MTMR3: variants seen among roughly 807,000 people sequenced by gnomAD.
MTMR3 encodes myotubularin related protein 3.
Under a neutral mutation model 132.4 loss-of-function variants are expected in MTMR3, and 32 were observed. That is an observed-to-expected ratio of 0.24 (90% CI 0.18 to 0.32). MTMR3 has a LOEUF of 0.32. MTMR3 is among the 10% of genes least tolerant of loss of function. The probability of loss-of-function intolerance (pLI) is 1.00; values close to 1 mark genes in which losing one functional copy is unlikely to be tolerated. For synonymous variants in MTMR3, 556 were observed against 550.3 expected, an observed-to-expected ratio of 1.01 and a Z score of -0.14; for missense variants, 1,216 against 1,489.6, an observed-to-expected ratio of 0.82 and a Z score of 3.02.
intron 1 of MTMR3, among the ~76,000 whole-genome samples, chr22:29,931,369 C>G (rs1243385338): frequency 6.6e-6 from 1 of 152,134 alleles, no homozygotes; most frequent in Admixed American, 6.5e-5. Context: ...CAAAGGAGGA[C>G]AACATCCAAA....
Position 29,922,431 on chromosome 22 carries a change from G to C in MTMR3, c.-137-34605G>C, listed in dbSNP as rs180725009. Reference sequence around the variant, plus strand: ...GAGTTGCTTCTGCTTTTTGGCTGTTGTGAATAATTCTCCTATGAATGTTGG... The same window carrying C: ...GAGTTGCTTCTGCTTTTTGGCTGTTCTGAATAATTCTCCTATGAATGTTGG... On this transcript the variant is annotated intron_variant, in intron 1 of 19. Transcript: ENST00000401950. 4.5e-3 allele frequency among the ~76,000 whole-genome samples: 680 copies of C among 152,250 alleles called. 6 individuals carry two copies. Among genetic ancestry groups the C allele is most frequent in the African/African-American group, 0.015 (642 of 41,540 alleles).
At chr22:30,002,770 AGT>A in intron 8 of MTMR3, 108 bp from the exon 9 acceptor site, 1 of 776,026 alleles carries the variant, frequency 1.3e-6, no homozygotes, top group Non-Finnish European at 2.1e-6. Context: ...GTTCTGTGGC[AGT>A]GAGATCATCA....
chr22:29,928,174 T>TTC (rs1260947611), intron 1 of MTMR3, among the ~76,000 whole-genome samples: 102 of 142,548 alleles, frequency 7.2e-4, no homozygotes, highest in African/African-American at 2.5e-3. Flanking sequence ...TTTTTTTCTT[T>TTC]TTTTTTTTTT....
At chr22:29,998,720 T>C (rs1395916813) in intron 7 of MTMR3, 41 bp from the exon 8 acceptor site, 9 of 1,473,336 alleles carry the variant, frequency 6.1e-6, no homozygotes, top group African/African-American at 1.4e-5. Flanking sequence ...TGCAAAATGG[T>C]ATTCATTTCT....
intron 1 of MTMR3, among the ~76,000 whole-genome samples, chr22:29,915,441 A>AGATG (rs1385695231): frequency 6.6e-6 from 1 of 152,036 alleles, no homozygotes; most frequent in Non-Finnish European, 1.5e-5. Flanking sequence ...TCATTCATTG[A>AGATG]GATGGAGTCT....
intron 5 of MTMR3, 103 bp from the exon 6 acceptor site, chr22:29,988,377 C>A: frequency 1.3e-6 from 1 of 751,760 alleles, no homozygotes; most frequent in Non-Finnish European, 2.1e-6. Flanking sequence ...ATTTTTGTTG[C>A]TTTCCCTTAT....
intron 1 of MTMR3, among the ~76,000 whole-genome samples, chr22:29,915,332 A>G (rs2065288006): frequency 6.6e-6 from 1 of 152,042 alleles, no homozygotes; most frequent in South Asian, 2.1e-4. Flanking sequence ...TTTTACTTTT[A>G]GTCTGTGTAT....
intron 2 of MTMR3, among the ~76,000 whole-genome samples, chr22:29,959,349 T>C (rs2066262515): frequency 6.6e-6 from 1 of 152,068 alleles, no homozygotes; most frequent in Admixed American, 6.6e-5. Context: ...ATTAGATCTG[T>C]AGTGAAGGAA....
chr22:29,972,004 CAAAA>C (rs1426253777), intron 3 of MTMR3, among the ~76,000 whole-genome samples: 1 of 151,982 alleles, frequency 6.6e-6, no homozygotes, highest in Non-Finnish European at 1.5e-5. Flanking sequence ...AAAAGTAAAA[CAAAA>C]AAACTAGTTG....
At chr22:29,943,849 G>A (rs867700968) in intron 1 of MTMR3, among the ~76,000 whole-genome samples, 2 of 129,582 alleles carry the variant, frequency 1.5e-5, no homozygotes, top group South Asian at 2.5e-4. Flanking sequence ...CTTGAGACAA[G>A]GTCTGGCTCG....
intron 19 of MTMR3, chr22:30,023,743 C>T: frequency 2.0e-6 from 1 of 494,692 alleles, no homozygotes; most frequent in Non-Finnish European, 3.6e-6. Context: ...AGTAGTGCTT[C>T]TTGTCTTCTG....
intron 1 of MTMR3, among the ~76,000 whole-genome samples, chr22:29,949,138 CA>C (rs2066016403): frequency 5.6e-5 from 2 of 35,790 alleles, no homozygotes; most frequent in Non-Finnish European, 1.1e-4. Flanking sequence ...CACACACACA[CA>C]CACACCCCCC....
At chr22:29,952,491 T>C (rs1272542691) in intron 1 of MTMR3, among the ~76,000 whole-genome samples, 1 of 152,104 alleles carries the variant, frequency 6.6e-6, no homozygotes, top group Non-Finnish European at 1.5e-5. Context: ...ATTTGTTTTA[T>C]CTTTTTCAAT....
At chr22:29,955,990 G>A (rs1368163221) in intron 1 of MTMR3, among the ~76,000 whole-genome samples, 1 of 152,110 alleles carries the variant, frequency 6.6e-6, no homozygotes, top group Non-Finnish European at 1.5e-5. Context: ...GACCTCAGGT[G>A]ATCCACCCAC....
intron 1 of MTMR3, among the ~76,000 whole-genome samples, chr22:29,890,845 A>G (rs1320254294): frequency 6.6e-6 from 1 of 152,180 alleles, no homozygotes; most frequent in East Asian, 1.9e-4. Flanking sequence ...TGCTTACCCC[A>G]TCACTAAAAA....
chr22:29,926,934 T>C (rs1476902220), intron 1 of MTMR3, among the ~76,000 whole-genome samples: 2 of 152,184 alleles, frequency 1.3e-5, no homozygotes, highest in Non-Finnish European at 2.9e-5. Context: ...GAAGATTTAC[T>C]CCTGTGTTTT....
intron 1 of MTMR3, among the ~76,000 whole-genome samples, chr22:29,929,495 G>GT (rs1447226851): frequency 1.3e-5 from 2 of 151,370 alleles, no homozygotes; most frequent in East Asian, 1.9e-4. Flanking sequence ...TGTTTTTCAG[G>GT]TTTTTTCTCT....
chr22:29,949,140 C>T (rs2037399102), intron 1 of MTMR3, among the ~76,000 whole-genome samples: 1 of 28,504 alleles, frequency 3.5e-5, no homozygotes, highest in Non-Finnish European at 7.0e-5. Context: ...CACACACACA[C>T]ACACCCCCCC....
chr22:30,013,684 GTAAA>G, intron 14 of MTMR3, 143 bp downstream of exon 14: 1 of 756,334 alleles, frequency 1.3e-6, no homozygotes, highest in Non-Finnish European at 2.0e-6. Flanking sequence ...TTTTTTTTTA[GTAAA>G]TAATTTTGCT....
Sources: allele counts gnomAD v4.1 joint callset (sites outside exome capture counted in the v4.1 genomes callset), GRCh38; gene constraint gnomAD v4.1.1; transcripts MANE v1.5; gene names NCBI Gene and HGNC (gene_info 2026-07-23, HGNC 2026-07-21).